RFTN1: variants seen among roughly 807,000 people sequenced by gnomAD.
RFTN1 encodes the protein raftlin, lipid raft linker 1, also known as raftlin.
Under a neutral mutation model 46.5 loss-of-function variants are expected in RFTN1, and 26 were observed. That is an observed-to-expected ratio of 0.56 (90% CI 0.41 to 0.78). The LOEUF (loss-of-function observed/expected upper bound fraction) is 0.78. Ranked by LOEUF, RFTN1 falls within the 30% of genes least tolerant of loss-of-function variation. The probability of loss-of-function intolerance (pLI) is 0.00; values close to 1 mark genes in which losing one functional copy is unlikely to be tolerated. For synonymous variants in RFTN1, 261 were observed against 284.2 expected (o/e 0.92, Z 0.82); for missense variants, 693 against 718.7 (o/e 0.96, Z 0.41).
intron 3 of RFTN1, among the ~76,000 whole-genome samples, chr3:16,414,430 A>AC (rs2075035966): frequency 6.6e-6 from 1 of 151,980 alleles, no homozygotes; most frequent in Admixed American, 6.6e-5. Flanking sequence ...AACATGGCAA[A>AC]CCCCCATCTC....
Position 16,416,410 on chromosome 3 carries a change from C to T in RFTN1, c.333-6927G>A, listed in dbSNP as rs150655938. Reference sequence around the variant, plus strand: ...TGCAGTATAGTACCCTGGATTGGATCCTGGAACTGAAAAAGGACATTAATA... The same window carrying T: ...TGCAGTATAGTACCCTGGATTGGATTCTGGAACTGAAAAAGGACATTAATA... On this transcript the variant is annotated intron_variant, in intron 3 of 9. Coordinates refer to ENST00000334133, the MANE Select transcript of RFTN1 (RefSeq NM_015150.2). 1.0e-2 allele frequency among the ~76,000 whole-genome samples: 1,516 copies of T among 152,210 alleles called. 10 individuals are homozygous for T. Among genetic ancestry groups the T allele is most frequent in the Non-Finnish European group, 0.017 (1,164 of 68,014 alleles).
chr3:16,445,616 T>C lies in RFTN1; in HGVS notation c.146-11579A>G, dbSNP rs77728673. ...GAATGAATGTGGTATAAGTATAAAATGTTCAACCAATTTCAAAGATTTAGC... is the reference window on the plus strand; with the variant it reads ...GAATGAATGTGGTATAAGTATAAAACGTTCAACCAATTTCAAAGATTTAGC... On this transcript the variant is annotated intron_variant, in intron 2 of 9. Coordinates refer to ENST00000334133, the MANE Select transcript of RFTN1 (RefSeq NM_015150.2). Among the ~76,000 whole-genome samples, 598 of 152,082 alleles carry C rather than the reference T, an allele frequency of 3.9e-3. 2 individuals carry two copies. The highest frequency in any genetic ancestry group is 0.014 in the African/African-American group (575 of 41,472).
At position 16,338,636 on chromosome 3, in the gene RFTN1, A is replaced by G. The variant is rs2071085122; in HGVS notation, c.1147-11760T>C. ...CAGGTCCCTCCTACTGGCTTTGATG[A>G]GAGAGAAAACTAGGCTTTCTGGGAG... On this transcript the variant is annotated intron_variant, in intron 7 of 9. Coordinates refer to ENST00000334133, the MANE Select transcript of RFTN1 (RefSeq NM_015150.2). This position sits in a 1 kb window ranked among gnomAD's most constrained non-coding sequence, Gnocchi z 5.3. Among the ~76,000 whole-genome samples the G allele has an allele frequency of 6.6e-6, 1 of 152,232 alleles. No homozygotes were observed. The highest frequency in any genetic ancestry group is 2.1e-4 in the South Asian group (1 of 4,828).
intron 8 of RFTN1, among the ~76,000 whole-genome samples, chr3:16,326,231 T>G (rs2069673915): frequency 6.6e-6 from 1 of 152,174 alleles, no homozygotes; most frequent in South Asian, 2.1e-4. Flanking sequence ...AACCTGAAAT[T>G]ATAAGGAATG....
intron 1 of RFTN1, among the ~76,000 whole-genome samples, chr3:16,494,154 T>C (rs1305070532): frequency 6.6e-6 from 1 of 152,116 alleles, no homozygotes; most frequent in Non-Finnish European, 1.5e-5. Flanking sequence ...TTTTTCCCCA[T>C]CTGAGGAAAA....
intron 2 of RFTN1, among the ~76,000 whole-genome samples, chr3:16,439,921 G>A (rs1213843850): frequency 1.3e-5 from 2 of 152,212 alleles, no homozygotes; most frequent in Non-Finnish European, 2.9e-5. Flanking sequence ...CTTCACCCTA[G>A]AAGAGAGCTA....
chr3:16,432,855 C>T (rs1052817913), intron 3 of RFTN1, among the ~76,000 whole-genome samples: 1 of 152,074 alleles, frequency 6.6e-6, no homozygotes, highest in African/African-American at 2.4e-5. Flanking sequence ...AGTAAGAGCC[C>T]CAGAGCTTGA....
At chr3:16,423,949 G>A (rs1449880287) in intron 3 of RFTN1, among the ~76,000 whole-genome samples, 1 of 152,150 alleles carries the variant, frequency 6.6e-6, no homozygotes, top group African/African-American at 2.4e-5. Context: ...GATAATCGTA[G>A]AACCATTATT....
rs961696386 is a variant in RFTN1, at chr3:16,450,425, G to A, written c.146-16388C>T. On this transcript the variant is annotated intron_variant, in intron 2 of 9. Coordinates refer to ENST00000334133, the MANE Select transcript of RFTN1 (RefSeq NM_015150.2). The surrounding 1 kb of genome is among the most constrained non-coding windows in gnomAD (Gnocchi z 4.6). ...GTGGTGGCCTCAGAGAAGGAAGGCA[G>A]GTAGGATAAGAGCCTGAGGCCCATC... is the stretch of plus-strand genomic sequence containing the variant. 6.6e-6 allele frequency among the ~76,000 whole-genome samples: 1 copy of A among 152,216 alleles called. No individual in the cohort carries two copies. The highest frequency in any genetic ancestry group is 1.5e-5 in the Non-Finnish European group (1 of 68,038).
At position 16,317,301 on chromosome 3, in the gene RFTN1, T is replaced by C. The variant is rs1160504306; in HGVS notation, c.1333-69A>G. On this transcript the variant is annotated intron_variant, in intron 9 of 9. Transcript: ENST00000334133. The surrounding 1 kb of genome is among the most constrained non-coding windows in gnomAD (Gnocchi z 4.3). ...ACCCAGAGCTTCACCCAAAGCCTTG[T>C]TTGCATTCATACCCACACCATGTCT... The C allele has an allele frequency of 4.6e-6, 7 of 1,508,320 alleles. No individual in the cohort carries two copies. The highest frequency in any genetic ancestry group is 5.4e-6 in the Non-Finnish European group (6 of 1,105,602). The allele number at this position is 1,508,320 out of a possible 1,614,324, so 93.4% of individuals were successfully genotyped here. A position where few individuals can be genotyped will look rare whatever the true frequency, so the allele number is the denominator to read the frequency against.
intron 2 of RFTN1, among the ~76,000 whole-genome samples, chr3:16,485,950 A>G (rs2076440782): frequency 6.6e-6 from 1 of 152,242 alleles, no homozygotes; most frequent in African/African-American, 2.4e-5. Context: ...TTCATCTGAA[A>G]AGAAAAGAAA....
rs970364853 is a variant in RFTN1, at chr3:16,335,780, A to T, written c.1147-8904T>A. Among the ~76,000 whole-genome samples, 10 of 102,490 alleles carry T rather than the reference A, an allele frequency of 9.8e-5. No individual in the cohort carries two copies. Among genetic ancestry groups the T allele is most frequent in the Non-Finnish European group, 2.3e-4 (10 of 43,842 alleles). The allele number at this position is 102,490 out of a possible 152,430, so 67.2% of individuals were successfully genotyped here. On this transcript the variant is annotated intron_variant, in intron 7 of 9. Transcript: ENST00000334133. This position sits in a 1 kb window ranked among gnomAD's most constrained non-coding sequence, Gnocchi z 4.7. ...TGCACTTGCACCCTGGAACTTTAAA[A>T]AAAAAAAAAAAAAAAGGAGTTTGAT...
At chr3:16,359,434 T>C (rs930622732) in intron 6 of RFTN1, among the ~76,000 whole-genome samples, 8 of 152,188 alleles carry the variant, frequency 5.3e-5, no homozygotes, top group Non-Finnish European at 8.8e-5. Flanking sequence ...TTAAATGAGG[T>C]CCTAGTCCTC....
intron 7 of RFTN1, among the ~76,000 whole-genome samples, chr3:16,331,431 A>G (rs959271441): frequency 2.0e-5 from 3 of 152,224 alleles, no homozygotes; most frequent in Admixed American, 2.0e-4. Context: ...TGTTTGTGTT[A>G]TCACAGTTTT....
chr3:16,488,755 G>A (rs1242028241), intron 2 of RFTN1, among the ~76,000 whole-genome samples: 1 of 152,104 alleles, frequency 6.6e-6, no homozygotes, highest in Non-Finnish European at 1.5e-5. Context: ...CTGCCTCTTT[G>A]GGCAAGTTAC....
Position 16,421,905 on chromosome 3 carries a change from C to A in RFTN1, c.332+11946G>T, listed in dbSNP as rs2075193619. The stretch of plus-strand genomic sequence containing the variant: ...TCTCAGCTGAAAGTGCTTCCCTGAA[C>A]CCAGCCCTTCTGCAGGCCCCTCCTG... On this transcript the variant is annotated intron_variant, in intron 3 of 9. Coordinates refer to ENST00000334133, the MANE Select transcript of RFTN1 (RefSeq NM_015150.2). The surrounding 1 kb of genome is among the most constrained non-coding windows in gnomAD (Gnocchi z 4.6). Among the ~76,000 whole-genome samples, 1 of 152,174 alleles carries A rather than the reference C, an allele frequency of 6.6e-6. No individual in the cohort carries two copies. The highest frequency in any genetic ancestry group is 6.5e-5 in the Admixed American group (1 of 15,286).
chr3:16,480,527 G>C lies in RFTN1; in HGVS notation c.145+13198C>G, dbSNP rs1000685354. On this transcript the variant is annotated intron_variant, in intron 2 of 9. Transcript: ENST00000334133. The surrounding 1 kb of genome is among the most constrained non-coding windows in gnomAD (Gnocchi z 4.3). The stretch of plus-strand genomic sequence containing the variant: ...CCTGTAAACAAAGAAGAGTATGCCT[G>C]AAACACAGAACTGAGGAAATGACCT... Among the ~76,000 whole-genome samples, 1 of 152,226 alleles carries C rather than the reference G, an allele frequency of 6.6e-6. No individual in the cohort carries two copies. The highest frequency in any genetic ancestry group is 2.4e-5 in the African/African-American group (1 of 41,452).
At chr3:16,488,165 C>A (rs1000744910) in intron 2 of RFTN1, among the ~76,000 whole-genome samples, 1 of 148,334 alleles carries the variant, frequency 6.7e-6, no homozygotes, top group African/African-American at 2.5e-5. Context: ...TGCAATGGTG[C>A]GATCTCAGCT....
chr3:16,405,391 A>G (rs553780473), intron 4 of RFTN1, among the ~76,000 whole-genome samples: 2 of 152,226 alleles, frequency 1.3e-5, no homozygotes, highest in Non-Finnish European at 2.9e-5. Flanking sequence ...TAAAGGGCCA[A>G]TAGGATGGAA....
Sources: gnomAD v4.1 joint callset for allele counts (sites outside exome capture counted in the v4.1 genomes callset) on GRCh38, gnomAD v4.1.1 for gene constraint, Gnocchi (gnomAD v3.1) non-coding constraint, MANE v1.5 for transcripts, NCBI Gene and HGNC (gene_info 2026-07-23, HGNC 2026-07-21) for gene names.